The following DOT1L variants were observed in gnomAD, a reference collection of about 807,000 sequenced individuals.
DOT1L encodes the protein DOT1 like histone lysine methyltransferase, also known as histone-lysine N-methyltransferase, H3 lysine-79 specific.
In DOT1L, 33 loss-of-function variants were observed where a neutral mutation model predicts 153.3. The observed-to-expected ratio is 0.22, with a 90% CI of 0.16 to 0.29. The LOEUF is 0.29. Among genes scored for constraint, DOT1L ranks in the 10% least tolerant of loss-of-function variants. The probability of loss-of-function intolerance (pLI) is 1.00; values close to 1 mark genes in which losing one functional copy is unlikely to be tolerated. For missense variants in DOT1L, 1,847 were observed against 2,119.9 expected (o/e 0.87, Z 2.53); for synonymous variants, 1,135 against 965.1 (o/e 1.18, Z -3.26).
chr19:2,226,114 C>G, intron 26 of DOT1L, 69 bp from the exon 27 acceptor site: 1 of 1,458,756 alleles, frequency 6.9e-7, no homozygotes, highest in Non-Finnish European at 9.0e-7. Context: ...GGCAGCAGCC[C>G]CGGTTAGCCT....
At chr19:2,227,376 G>T in intron 27 of DOT1L, 2 of 712,958 alleles carry the variant, frequency 2.8e-6, no homozygotes, top group Non-Finnish European at 5.2e-6. Context: ...GCCACCGTGC[G>T]CAGGGCCACC....
intron 9 of DOT1L, among the ~76,000 whole-genome samples, chr19:2,205,999 G>T (rs1464862333): frequency 9.5e-5 from 14 of 146,640 alleles, no homozygotes; most frequent in Admixed American, 9.5e-4. Flanking sequence ...AGCGTAGTGG[G>T]TTTTTTTTTT....
intron 24 of DOT1L, 149 bp from the exon 25 acceptor site, chr19:2,223,132 G>A (rs1225868865): frequency 2.6e-6 from 2 of 775,950 alleles, no homozygotes; most frequent in Non-Finnish European, 4.1e-6. Context: ...GAAGAACCAG[G>A]ACAGGGGCTG....
intron 8 of DOT1L, 148 bp from the exon 9 acceptor site, chr19:2,202,552 G>A (rs951768404): frequency 1.7e-5 from 12 of 717,218 alleles, no homozygotes; most frequent in East Asian, 8.1e-5. Flanking sequence ...AACCCACGGC[G>A]TGCGCTCAGC....
Position 2,225,424 on chromosome 19 carries a change from C to T in DOT1L, c.3633C>T (p.Ser1211=). ...AAATTGCAACAATCTCCTTAGAAAGCAAATCTCCCCCGAAAACCTTGGAAA... is the reference window on the plus strand; with the variant it reads ...AAATTGCAACAATCTCCTTAGAAAGTAAATCTCCCCCGAAAACCTTGGAAA... ...ERKIATISLE[S]KSPPKTLENG... The change falls in exon 26 of 28, where the codon AGC becomes AGT. Residue 1211 remains serine, a synonymous_variant. Coordinates refer to ENST00000398665, the MANE Select transcript of DOT1L (RefSeq NM_032482.3). 1 of 1,614,196 alleles carries T rather than the reference C, an allele frequency of 6.2e-7. No individual in the cohort carries two copies. The highest frequency in any genetic ancestry group is 8.5e-7 in the Non-Finnish European group (1 of 1,180,020).
At chr19:2,224,401 C>T (rs989558559) in intron 25 of DOT1L, among the ~76,000 whole-genome samples, 1 of 151,486 alleles carries the variant, frequency 6.6e-6, no homozygotes, top group South Asian at 2.1e-4. Flanking sequence ...CACTGAATTT[C>T]TTGTTTTGAT....
chr19:2,226,656 C>T lies in DOT1L; in HGVS notation c.4135C>T (p.Leu1379=). Residue 1379 remains leucine, a synonymous_variant, in exon 27 of 28, where the codon CTG becomes TTG. Coordinates refer to ENST00000398665, the MANE Select transcript of DOT1L (RefSeq NM_032482.3). ...SKRQLDGLAG[L]KGEGSRGKEA... The stretch of plus-strand genomic sequence containing the variant: ...GAGGCAGCTGGACGGCCTGGCTGGG[C>T]TGAAGGGCGAGGGCAGCCGCGGCAA... 1 of 1,582,894 alleles carries T rather than the reference C, an allele frequency of 6.3e-7. No individual in the cohort carries two copies. Among genetic ancestry groups the T allele is most frequent in the Non-Finnish European group, 8.6e-7 (1 of 1,168,344 alleles).
intron 1 of DOT1L, among the ~76,000 whole-genome samples, chr19:2,168,418 TG>T (rs1297476120): frequency 6.6e-6 from 1 of 152,166 alleles, no homozygotes; most frequent in Non-Finnish European, 1.5e-5. Context: ...ACTTCTGCCC[TG>T]GGGGACCTGT....
chr19:2,213,802 A>G (rs973928333), intron 17 of DOT1L, 47 bp from the exon 18 acceptor site: 1 of 1,609,704 alleles, frequency 6.2e-7, no homozygotes, highest in African/African-American at 1.3e-5. Flanking sequence ...GGCTTACTTC[A>G]CCTTGGAGGC....
chr19:2,169,724 G>A (rs1360989116), intron 1 of DOT1L, among the ~76,000 whole-genome samples: 2 of 152,122 alleles, frequency 1.3e-5, no homozygotes, highest in African/African-American at 2.4e-5. Flanking sequence ...GGGGTAATTC[G>A]AGCCTGTGCT....
At chr19:2,210,895 T>C in intron 14 of DOT1L, 40 bp downstream of exon 14, 1 of 1,597,818 alleles carries the variant, frequency 6.3e-7, no homozygotes, top group Non-Finnish European at 8.5e-7. Flanking sequence ...TCTCCCCGAG[T>C]GCGGATGCCT....
intron 25 of DOT1L, 68 bp from the exon 26 acceptor site, chr19:2,225,320 G>C: frequency 6.7e-7 from 1 of 1,497,162 alleles, no homozygotes; most frequent in Admixed American, 1.7e-5. Context: ...GCTGTTGGCT[G>C]TCAGCATTTG....
intron 22 of DOT1L, among the ~76,000 whole-genome samples, chr19:2,219,556 C>T (rs73516516): frequency 0.065 from 9,816 of 152,178 alleles, 594 homozygotes; most frequent in African/African-American, 0.15. Flanking sequence ...GATTGTGAAT[C>T]GTTCTGCTGT....
chr19:2,181,928 T>G (rs2022259235), intron 2 of DOT1L, among the ~76,000 whole-genome samples: 1 of 152,136 alleles, frequency 6.6e-6, no homozygotes, highest in South Asian at 2.1e-4. Context: ...GGCAGTCTTT[T>G]TAAGAATGCT....
intron 1 of DOT1L, among the ~76,000 whole-genome samples, chr19:2,177,790 C>G (rs1000113411): frequency 1.3e-5 from 2 of 151,834 alleles, no homozygotes; most frequent in African/African-American, 4.8e-5. Context: ...GAGCTGGAAT[C>G]TCACTCTGCT....
At chr19:2,196,531 C>T (rs1300783531) in intron 7 of DOT1L, among the ~76,000 whole-genome samples, 5 of 152,138 alleles carry the variant, frequency 3.3e-5, no homozygotes, top group Non-Finnish European at 5.9e-5. Context: ...TGGAGTTTCA[C>T]CATGTTGGTC....
At chr19:2,227,669 G>A (rs1044218710) in intron 27 of DOT1L, 4 of 1,274,100 alleles carry the variant, frequency 3.1e-6, no homozygotes, top group Admixed American at 5.0e-5. Flanking sequence ...GTGAGCCTGC[G>A]GCTGCTGCTC....
chr19:2,216,744 C>T lies in DOT1L; in HGVS notation c.2387C>T (p.Ala796Val), dbSNP rs201013553. Residue 796 changes from alanine (A) to valine (V), a missense_variant, in exon 20 of 28, where the codon GCT becomes GTT. Physicochemically the swap from Ala to Val is moderately conservative, Grantham distance 64. Around this residue, in one of 8 missense-constraint regions of DOT1L, gnomAD observed 281 missense variants for 263.6 expected, o/e 1.07. Transcript: ENST00000398665. The part of the protein sequence containing the change: ...SQDHTVPGRP[A>V]ASELHSRAEH... ...GACCACACGGTGCCCGGCAGGCCGGCTGCCAGTGAGCTGCATTCGAGGTGA... is the reference window on the plus strand; with the variant it reads ...GACCACACGGTGCCCGGCAGGCCGGTTGCCAGTGAGCTGCATTCGAGGTGA... The T allele has an allele frequency of 3.0e-5, 48 of 1,594,244 alleles. No homozygotes were observed. In the African/African-American group the frequency reaches 5.6e-4, roughly 19 times the overall value.
chr19:2,208,914 G>C lies in DOT1L; in HGVS notation c.964-21G>C. The C allele has an allele frequency of 1.2e-6, 2 of 1,611,568 alleles. No homozygotes were observed. The highest frequency in any genetic ancestry group is 1.7e-6 in the Non-Finnish European group (2 of 1,178,888). On this transcript the variant is annotated intron_variant, in intron 11 of 27. Transcript: ENST00000398665. The surrounding 1 kb of genome is among the most constrained non-coding windows in gnomAD (Gnocchi z 4.4). ...GAGATTGGGACTCCCTTCTAATCAG[G>C]GTTCTCTTTCTTCTTTTTAGCTTGA...
Sources: allele counts gnomAD v4.1 joint callset (sites outside exome capture counted in the v4.1 genomes callset), GRCh38; gene constraint gnomAD v4.1.1; regional missense constraint gnomAD v4.1.1; non-coding constraint Gnocchi (gnomAD v3.1); transcripts MANE v1.5; gene names NCBI Gene and HGNC (gene_info 2026-07-23, HGNC 2026-07-21).